The following IMMP2L variants were observed in gnomAD, a reference collection of about 807,000 sequenced individuals.
IMMP2L encodes mitochondrial inner membrane protease subunit 2.
Under a neutral mutation model 19.3 loss-of-function variants are expected in IMMP2L, and 18 were observed. That is an observed-to-expected ratio of 0.93 (90% CI 0.64 to 1.38). IMMP2L has a LOEUF of 1.38. IMMP2L is among the 40% of genes most tolerant of loss of function. The pLI is 0.00. For synonymous variants in IMMP2L, 76 were observed against 73.0 expected, an observed-to-expected ratio of 1.04 and a Z score of -0.21; for missense variants, 233 against 218.2, an observed-to-expected ratio of 1.07 and a Z score of -0.43.
At chr7:111,240,605 T>C (rs946479170) in intron 3 of IMMP2L, among the ~76,000 whole-genome samples, 1 of 151,952 alleles carries the variant, frequency 6.6e-6, no homozygotes, top group Non-Finnish European at 1.5e-5. Context: ...AAGTGTACCA[T>C]GTGTTGTATC....
At chr7:110,894,869 G>C (rs1278925533) in intron 4 of IMMP2L, among the ~76,000 whole-genome samples, 2 of 151,932 alleles carry the variant, frequency 1.3e-5, no homozygotes, top group Non-Finnish European at 2.9e-5. Context: ...CTGAGGTATG[G>C]TTCAAATTTC....
At chr7:111,196,392 A>G (rs753934615) in intron 3 of IMMP2L, among the ~76,000 whole-genome samples, 2 of 152,176 alleles carry the variant, frequency 1.3e-5, no homozygotes, top group Non-Finnish European at 2.9e-5. Context: ...AAATTATTCA[A>G]TGAAGTGACC....
chr7:111,531,599 C>A (rs113827879), intron 1 of IMMP2L, among the ~76,000 whole-genome samples: 3 of 152,106 alleles, frequency 2.0e-5, no homozygotes. Flanking sequence ...ACCATTAGCA[C>A]GGAGAAGCTT....
intron 3 of IMMP2L, chr7:111,124,277 T>G: frequency 1.2e-6 from 2 of 1,614,018 alleles, no homozygotes; most frequent in Non-Finnish European, 8.5e-7. Context: ...ACTAACCTAG[T>G]TGGCGCTGAC....
chr7:110,924,360 C>T lies in IMMP2L; in HGVS notation c.306-37665G>A, dbSNP rs1814620912. Among the ~76,000 whole-genome samples, 2 of 152,008 alleles carry T rather than the reference C, an allele frequency of 1.3e-5. No homozygotes were observed. The highest frequency in any genetic ancestry group is 2.9e-5 in the Non-Finnish European group (2 of 68,010). ...TATTTTTGTTTCTCTTCTAAGAAGT[C>T]CTCTGGAGGTTCCATTTCAGCGCTA... On this transcript the variant is annotated intron_variant, in intron 4 of 5. Coordinates refer to ENST00000405709, the MANE Select transcript of IMMP2L (RefSeq NM_032549.4). This position sits in a 1 kb window ranked among gnomAD's most constrained non-coding sequence, Gnocchi z 4.2.
intron 5 of IMMP2L, among the ~76,000 whole-genome samples, chr7:110,740,996 G>A (rs1459947411): frequency 1.3e-5 from 2 of 151,234 alleles, no homozygotes; most frequent in Non-Finnish European, 2.9e-5. Flanking sequence ...TATCTACCCA[G>A]AGGAAAAGAA....
intron 3 of IMMP2L, among the ~76,000 whole-genome samples, chr7:110,987,840 T>C (rs145780211): frequency 6.2e-4 from 94 of 152,288 alleles, no homozygotes; most frequent in Middle Eastern, 6.8e-3. Context: ...AAAATATTAA[T>C]TAAAATTGCA....
chr7:111,148,793 T>C (rs1297405967), intron 3 of IMMP2L, among the ~76,000 whole-genome samples: 1 of 151,830 alleles, frequency 6.6e-6, no homozygotes, highest in Non-Finnish European at 1.5e-5. Context: ...ACCAAATGAG[T>C]ATATTAGTTT....
intron 1 of IMMP2L, among the ~76,000 whole-genome samples, chr7:111,542,850 CTTA>C (rs1452496094): frequency 1.3e-5 from 2 of 152,076 alleles, no homozygotes; most frequent in East Asian, 3.9e-4. Context: ...ACTGAAGGTC[CTTA>C]TTATCTTGCT....
chr7:111,323,709 C>A (rs1825003167), intron 3 of IMMP2L, among the ~76,000 whole-genome samples: 1 of 152,056 alleles, frequency 6.6e-6, no homozygotes. Context: ...TATTGCGGCA[C>A]TATTCACAAC....
At chr7:110,743,670 C>T (rs1207534825) in intron 5 of IMMP2L, among the ~76,000 whole-genome samples, 1 of 152,132 alleles carries the variant, frequency 6.6e-6, no homozygotes, top group South Asian at 2.1e-4. Flanking sequence ...TCACCTCACC[C>T]GGGAAGTGCA....
chr7:110,930,872 T>C (rs534413780), intron 4 of IMMP2L, among the ~76,000 whole-genome samples: 67 of 152,370 alleles, frequency 4.4e-4, no homozygotes, highest in South Asian at 1.0e-3. Context: ...GCAACAGCTA[T>C]GTTTATACAC....
chr7:110,910,555 AT>A (rs1215775458), intron 4 of IMMP2L, among the ~76,000 whole-genome samples: 1 of 152,184 alleles, frequency 6.6e-6, no homozygotes, highest in Non-Finnish European at 1.5e-5. Flanking sequence ...GAAAGGAAGA[AT>A]CAGAGAGACT....
At chr7:111,473,727 A>G (rs983445965) in intron 3 of IMMP2L, among the ~76,000 whole-genome samples, 3 of 152,196 alleles carry the variant, frequency 2.0e-5, no homozygotes, top group Non-Finnish European at 4.4e-5. Flanking sequence ...AGCATTTAAC[A>G]GCATTTGTTC....
intron 3 of IMMP2L, among the ~76,000 whole-genome samples, chr7:111,034,166 A>T (rs536233601): frequency 6.6e-6 from 1 of 152,252 alleles, no homozygotes; most frequent in African/African-American, 2.4e-5. Flanking sequence ...AGTAGTTACA[A>T]AATGAGGAGG....
chr7:110,916,544 G>A (rs1441751338), intron 4 of IMMP2L, among the ~76,000 whole-genome samples: 3 of 152,156 alleles, frequency 2.0e-5, no homozygotes, highest in African/African-American at 4.8e-5. Context: ...TTCAAGTTCT[G>A]TTATAAAATG....
chr7:111,121,624 T>C (rs1800629820), intron 3 of IMMP2L, among the ~76,000 whole-genome samples: 1 of 152,190 alleles, frequency 6.6e-6, no homozygotes, highest in Non-Finnish European at 1.5e-5. Flanking sequence ...ACTTTTACAC[T>C]GTTGGTGGGG....
At chr7:110,960,651 G>A (rs1302527311) in intron 4 of IMMP2L, among the ~76,000 whole-genome samples, 1 of 151,338 alleles carries the variant, frequency 6.6e-6, no homozygotes, top group Non-Finnish European at 1.5e-5. Context: ...AAAGCAAAAG[G>A]CTGGATAGGC....
At chr7:111,081,691 G>A (rs1426596674) in intron 3 of IMMP2L, among the ~76,000 whole-genome samples, 4 of 152,150 alleles carry the variant, frequency 2.6e-5, no homozygotes, top group East Asian at 1.9e-4. Context: ...TACATCTCTC[G>A]TTTGCTGAAA....
Sources: gnomAD v4.1 joint callset for allele counts (sites outside exome capture counted in the v4.1 genomes callset) on GRCh38, gnomAD v4.1.1 for gene constraint, Gnocchi (gnomAD v3.1) non-coding constraint, MANE v1.5 for transcripts, NCBI Gene and HGNC (gene_info 2026-07-23, HGNC 2026-07-21) for gene names.